The following MALRD1 variants were observed in gnomAD, a reference collection of about 807,000 sequenced individuals.
MALRD1 encodes MAM and LDL-receptor class A domain-containing protein 1.
MALRD1 carries 247 observed loss-of-function variants against 242.1 expected under a neutral mutation model. That is an observed-to-expected ratio of 1.02 (90% CI 0.92 to 1.13). MALRD1 has a LOEUF of 1.13. MALRD1 is among the 50% of genes most tolerant of loss of function. The probability of loss-of-function intolerance (pLI) is 0.00; values close to 1 mark genes in which losing one functional copy is unlikely to be tolerated. For synonymous variants in MALRD1, 995 were observed against 866.6 expected, an observed-to-expected ratio of 1.15 and a Z score of -2.60; for missense variants, 2,989 against 2,533.1, an observed-to-expected ratio of 1.18 and a Z score of -3.86.
chr10:19,604,630 T>C (rs1589296461), intron 34 of MALRD1, among the ~76,000 whole-genome samples: 1 of 152,326 alleles, frequency 6.6e-6, no homozygotes, highest in East Asian at 1.9e-4. Flanking sequence ...GTGGCTGCAC[T>C]GAACAACGGA....
At chr10:19,140,594 A>C (rs1323565566) in intron 10 of MALRD1, among the ~76,000 whole-genome samples, 1 of 149,922 alleles carries the variant, frequency 6.7e-6, no homozygotes, top group Non-Finnish European at 1.5e-5. Context: ...ATGTGTTCAC[A>C]ATGGAATATT....
rs1484325143 is a variant in MALRD1 at position 19,468,406 on chromosome 10, G to C, written c.5029+17916G>C. ...TTAATTTTAGAAAGAAAACAAAAAA[G>C]AAATGAACATACTTAGAAATTAATA... On this transcript the variant is annotated intron_variant, in intron 29 of 39. Coordinates refer to ENST00000454679, the MANE Select transcript of MALRD1 (RefSeq NM_001142308.3). 2.0e-5 allele frequency among the ~76,000 whole-genome samples: 3 copies of C among 152,124 alleles called. No individual in the cohort carries two copies. In the East Asian group the frequency reaches 5.8e-4, roughly 29 times the overall value.
chr10:19,238,498 A>ATAAT (rs1554817785), intron 18 of MALRD1, among the ~76,000 whole-genome samples: 1 of 7,146 alleles, frequency 1.4e-4, no homozygotes, highest in Non-Finnish European at 2.8e-4. Context: ...TATAATATAT[A>ATAAT]ATATAATATA....
At chr10:19,396,980 A>T (rs1329402019) in intron 28 of MALRD1, among the ~76,000 whole-genome samples, 2 of 152,192 alleles carry the variant, frequency 1.3e-5, no homozygotes. Flanking sequence ...AACTGACATA[A>T]TAATTCCACA....
intron 14 of MALRD1, among the ~76,000 whole-genome samples, chr10:19,184,696 C>A (rs1025646662): frequency 6.6e-6 from 1 of 152,018 alleles, no homozygotes; most frequent in Non-Finnish European, 1.5e-5. Context: ...TACAGGTGAG[C>A]ACCACCGTGC....
intron 26 of MALRD1, among the ~76,000 whole-genome samples, chr10:19,354,584 A>T (rs1564588413): frequency 6.7e-6 from 1 of 150,246 alleles, no homozygotes; most frequent in Non-Finnish European, 1.5e-5. Flanking sequence ...TTGTGGGATC[A>T]TTTTTTTTTG....
chr10:19,137,094 T>G (rs1588599017), intron 10 of MALRD1, among the ~76,000 whole-genome samples: 1 of 152,108 alleles, frequency 6.6e-6, no homozygotes, highest in East Asian at 1.9e-4. Context: ...GAAGGAAACT[T>G]TTTGTACCTT....
chr10:19,268,247 GA>G (rs72342784), intron 19 of MALRD1, among the ~76,000 whole-genome samples: 7,438 of 147,588 alleles, frequency 0.05, 261 homozygotes, highest in Middle Eastern at 0.077. Context: ...ACCAGAGACA[GA>G]AAAAAAAAAG....
chr10:19,670,520 T>C (rs1205355888), intron 36 of MALRD1, among the ~76,000 whole-genome samples: 1 of 152,168 alleles, frequency 6.6e-6, no homozygotes, highest in Non-Finnish European at 1.5e-5. Context: ...ATGGCCACCC[T>C]AAAACAAGAA....
At chr10:19,236,507 A>G (rs570781013) in intron 18 of MALRD1, among the ~76,000 whole-genome samples, 20 of 152,278 alleles carry the variant, frequency 1.3e-4, no homozygotes, top group African/African-American at 4.8e-4. Flanking sequence ...AGCATTAGGC[A>G]ACTTGATAAG....
At chr10:19,457,234 A>C (rs1371297175) in intron 29 of MALRD1, among the ~76,000 whole-genome samples, 3 of 152,198 alleles carry the variant, frequency 2.0e-5, no homozygotes, top group African/African-American at 7.2e-5. Flanking sequence ...AATACTACTA[A>C]AACAGTGATA....
At chr10:19,543,522 C>T (rs1835077744) in intron 32 of MALRD1, among the ~76,000 whole-genome samples, 1 of 148,462 alleles carries the variant, frequency 6.7e-6, no homozygotes, top group Non-Finnish European at 1.5e-5. Context: ...TGTCCTCCTG[C>T]CTCAGAATCC....
At chr10:19,515,757 A>T (rs1589183439) in intron 31 of MALRD1, among the ~76,000 whole-genome samples, 1 of 151,828 alleles carries the variant, frequency 6.6e-6, no homozygotes, top group African/African-American at 2.4e-5. Flanking sequence ...TTTAGTAGAG[A>T]TGGGGTTTCA....
intron 4 of MALRD1, among the ~76,000 whole-genome samples, chr10:19,099,048 G>T (rs1475235225): frequency 6.6e-6 from 1 of 152,128 alleles, no homozygotes; most frequent in African/African-American, 2.4e-5. Flanking sequence ...TTCTCTAACT[G>T]GCTGGTGCCA....
intron 26 of MALRD1, among the ~76,000 whole-genome samples, chr10:19,382,882 A>T (rs181004723): frequency 3.5e-4 from 54 of 152,280 alleles, no homozygotes; most frequent in Non-Finnish European, 6.5e-4. Flanking sequence ...TGTTAAAAGG[A>T]TGTATACTCT....
intron 32 of MALRD1, among the ~76,000 whole-genome samples, chr10:19,553,708 T>A (rs1835593034): frequency 6.6e-6 from 1 of 152,186 alleles, no homozygotes; most frequent in Admixed American, 6.5e-5. Flanking sequence ...CTGTAATAAA[T>A]AGATGATGAA....
chr10:19,294,686 T>C (rs1841607798), intron 21 of MALRD1, among the ~76,000 whole-genome samples: 1 of 152,178 alleles, frequency 6.6e-6, no homozygotes, highest in African/African-American at 2.4e-5. Context: ...GCATTCTCTA[T>C]CTTTGGATTT....
At chr10:19,509,408 G>T (rs1398109180) in intron 31 of MALRD1, among the ~76,000 whole-genome samples, 3 of 152,108 alleles carry the variant, frequency 2.0e-5, no homozygotes, top group African/African-American at 7.2e-5. Flanking sequence ...TTTGGTTTTG[G>T]TTTATTTCTG....
At chr10:19,302,074 C>A (rs1401363328) in intron 21 of MALRD1, among the ~76,000 whole-genome samples, 2 of 151,782 alleles carry the variant, frequency 1.3e-5, no homozygotes, top group Non-Finnish European at 2.9e-5. Flanking sequence ...CACTTCACAT[C>A]CACTAGGATG....
Sources: gnomAD v4.1 joint callset for allele counts (sites outside exome capture counted in the v4.1 genomes callset) on GRCh38, gnomAD v4.1.1 for gene constraint, MANE v1.5 for transcripts, NCBI Gene and HGNC (gene_info 2026-07-23, HGNC 2026-07-21) for gene names.